Variants in LIN54 observed in about 807,000 individuals in gnomAD.
LIN54 encodes the protein protein lin-54 homolog.
Under a neutral mutation model 78.7 loss-of-function variants are expected in LIN54, and 9 were observed. That is an observed-to-expected ratio of 0.11 (90% CI 0.07 to 0.20). LIN54 has a LOEUF of 0.20. Ranked by LOEUF, LIN54 falls within the 10% of genes least tolerant of loss-of-function variation. LIN54 has a pLI of 1.00. For missense variants in LIN54, 573 were observed against 889.9 expected, an observed-to-expected ratio of 0.64 and a Z score of 4.53; for synonymous variants, 269 against 318.4, an observed-to-expected ratio of 0.84 and a Z score of 1.65.
chr4:82,962,860 T>C (rs1211613593), intron 4 of LIN54, among the ~76,000 whole-genome samples: 2 of 151,708 alleles, frequency 1.3e-5, no homozygotes, highest in Non-Finnish European at 1.5e-5. Flanking sequence ...CTATTAAATA[T>C]ACTAAAATCT....
chr4:82,927,448 C>T lies in LIN54; in HGVS notation c.*654G>A, dbSNP rs1721570284. 1 of 152,166 alleles carries T rather than the reference C, an allele frequency of 6.6e-6. No individual in the cohort carries two copies. The allele number at this position is 152,166 out of a possible 1,614,324, so 9.4% of individuals were successfully genotyped here. On this transcript the variant is annotated 3_prime_UTR_variant, in exon 13 of 13. Transcript: ENST00000340417. ...TGTTAGCCTTTCCTTATTATAGAAA[C>T]ACATTGCCCATCCTCTGAGATTTAC...
At chr4:82,968,929 T>C (rs1314546747) in intron 4 of LIN54, among the ~76,000 whole-genome samples, 1 of 152,140 alleles carries the variant, frequency 6.6e-6, no homozygotes, top group East Asian at 1.9e-4. Context: ...TCTGGAGAGA[T>C]GAAAACAGAA....
intron 3 of LIN54, among the ~76,000 whole-genome samples, chr4:82,975,162 A>T (rs1726059113): frequency 6.6e-6 from 1 of 152,024 alleles, no homozygotes; most frequent in South Asian, 2.1e-4. Flanking sequence ...GTTCAAGACC[A>T]GCCTGGCCAA....
chr4:82,930,012 G>A (rs565540434), intron 12 of LIN54, among the ~76,000 whole-genome samples: 18 of 151,810 alleles, frequency 1.2e-4, no homozygotes, highest in Admixed American at 7.9e-4. Flanking sequence ...ATTCTCCTGC[G>A]TCAGCCTCCC....
chr4:82,984,197 G>A lies in LIN54; in HGVS notation c.648C>T (p.Pro216=). 2 of 1,613,904 alleles carry A rather than the reference G, an allele frequency of 1.2e-6. No individual in the cohort carries two copies. The highest frequency in any genetic ancestry group is 1.7e-6 in the Non-Finnish European group (2 of 1,179,918). The change falls in exon 2 of 13, where the codon CCC becomes CCT. Residue 216 remains proline, a synonymous_variant. Coordinates refer to ENST00000340417, the MANE Select transcript of LIN54 (RefSeq NM_194282.4). ...TTAACTGTTGGGTCTGTAACACAGA[G>A]GGCTGAGTTGTAGTATTAATCAGTT... ...GSQLINTTTQ[P]SVLQTQQLKT... is the part of the protein sequence containing the mutation.
At chr4:82,950,043 G>A (rs1447453064) in intron 4 of LIN54, among the ~76,000 whole-genome samples, 3 of 150,480 alleles carry the variant, frequency 2.0e-5, no homozygotes, top group African/African-American at 4.9e-5. Flanking sequence ...ATGAGGTTTC[G>A]CCATGTTGGC....
chr4:83,007,015 CT>C (rs1729454474), intron 1 of LIN54, among the ~76,000 whole-genome samples: 1 of 152,078 alleles, frequency 6.6e-6, no homozygotes, highest in Non-Finnish European at 1.5e-5. Context: ...TGGCGGGCAC[CT>C]GTAGTCCCAG....
intron 1 of LIN54, among the ~76,000 whole-genome samples, chr4:83,005,574 A>C (rs1729282915): frequency 6.6e-6 from 1 of 151,658 alleles, no homozygotes; most frequent in Non-Finnish European, 1.5e-5. Context: ...GCAGTGAGCC[A>C]AGATCATGCC....
chr4:82,930,806 A>G, intron 12 of LIN54, 137 bp downstream of exon 12: 1 of 720,234 alleles, frequency 1.4e-6, no homozygotes, highest in Non-Finnish European at 2.3e-6. Context: ...TTCCTTTACA[A>G]GTAACTAAAG....
intron 12 of LIN54, among the ~76,000 whole-genome samples, chr4:82,930,024 A>G (rs1409595106): frequency 6.6e-6 from 1 of 151,832 alleles, no homozygotes; most frequent in Non-Finnish European, 1.5e-5. Context: ...CAGCCTCCCA[A>G]GTAGCTGGGA....
chr4:82,964,109 G>A (rs773679909), intron 4 of LIN54, among the ~76,000 whole-genome samples: 32 of 151,344 alleles, frequency 2.1e-4, no homozygotes, highest in Admixed American at 9.9e-4. Context: ...GAAGTGCAGC[G>A]GTACAATCTT....
At chr4:82,946,100 T>C (rs927184635) in intron 5 of LIN54, among the ~76,000 whole-genome samples, 158 bp downstream of exon 5, 1 of 152,252 alleles carries the variant, frequency 6.6e-6, no homozygotes, top group African/African-American at 2.4e-5. Flanking sequence ...ACTACAGTTA[T>C]GCGCAACTAT....
intron 1 of LIN54, among the ~76,000 whole-genome samples, chr4:83,002,148 C>G (rs1728899735): frequency 6.6e-6 from 1 of 151,026 alleles, no homozygotes; most frequent in Non-Finnish European, 1.5e-5. Flanking sequence ...TTATTCAAGA[C>G]TGCTTTTGAA....
At chr4:82,943,414 T>G (rs1723101812) in intron 5 of LIN54, among the ~76,000 whole-genome samples, 1 of 152,152 alleles carries the variant, frequency 6.6e-6, no homozygotes, top group African/African-American at 2.4e-5. Flanking sequence ...CGGGGGAAAA[T>G]GTACAAGATA....
chr4:83,006,634 C>T (rs1250082926), intron 1 of LIN54, among the ~76,000 whole-genome samples: 1 of 151,364 alleles, frequency 6.6e-6, no homozygotes, highest in Admixed American at 6.6e-5. Flanking sequence ...AAATTAGTCA[C>T]ATACCTTTAA....
chr4:82,984,522 A>T lies in LIN54; in HGVS notation c.323T>A (p.Val108Glu), dbSNP rs1726950941. The change falls in exon 2 of 13, where the codon GTG becomes GAG. Residue 108 changes from valine to glutamate, a missense_variant. Val to Glu is a moderately radical substitution (Grantham distance 121). Around this residue, in one of 6 missense-constraint regions of LIN54, gnomAD observed 183 missense variants for 228.4 expected, o/e 0.80. Coordinates refer to ENST00000340417, the MANE Select transcript of LIN54 (RefSeq NM_194282.4). Reference sequence around the variant, plus strand: ...AATAATCTGATTGGCTGATATAGTCACAGGAGTCTGAGCACCAAGTTTTTG... The same window carrying T: ...AATAATCTGATTGGCTGATATAGTCTCAGGAGTCTGAGCACCAAGTTTTTG... ...GLQKLGAQTP[V>E]TISANQIILN... 6.2e-7 allele frequency: 1 copy of T among 1,614,078 alleles called. No homozygotes were observed. The highest frequency in any genetic ancestry group is 8.5e-7 in the Non-Finnish European group (1 of 1,180,026).
intron 1 of LIN54, among the ~76,000 whole-genome samples, chr4:83,004,407 AAAAAAAAAAG>A (rs1177848332): frequency 2.0e-5 from 3 of 151,408 alleles, no homozygotes; most frequent in East Asian, 2.0e-4. Context: ...GCAAAAAAAA[AAAAAAAAAAG>A]AAAGAAAGAA....
chr4:83,002,354 G>A (rs1728919204), intron 1 of LIN54, among the ~76,000 whole-genome samples: 3 of 146,398 alleles, frequency 2.0e-5, no homozygotes, highest in East Asian at 2.1e-4. Flanking sequence ...GCAACATAGC[G>A]AGACCTCACC....
At chr4:82,975,097 T>A (rs1726052693) in intron 3 of LIN54, among the ~76,000 whole-genome samples, 1 of 151,788 alleles carries the variant, frequency 6.6e-6, no homozygotes, top group Admixed American at 6.6e-5. Context: ...GTGGCTCACA[T>A]CTGTAATCCC....
Sources: allele counts gnomAD v4.1 joint callset (sites outside exome capture counted in the v4.1 genomes callset), GRCh38; gene constraint gnomAD v4.1.1; regional missense constraint gnomAD v4.1.1; transcripts MANE v1.5; gene names NCBI Gene and HGNC (gene_info 2026-07-23, HGNC 2026-07-21).